The following ATP8A1 variants were observed in gnomAD, a reference collection of about 807,000 sequenced individuals.
ATP8A1 encodes ATPase phospholipid transporting 8A1, also known as phospholipid-transporting ATPase IA.
ATP8A1 carries 90 observed loss-of-function variants against 177.7 expected under a neutral mutation model. The observed-to-expected ratio is 0.51, with a 90% CI of 0.43 to 0.60. The LOEUF (loss-of-function observed/expected upper bound fraction) is 0.60, where lower values mean the gene tolerates loss of function less well. ATP8A1 is among the 20% of genes least tolerant of loss of function. The pLI, the probability that ATP8A1 is intolerant of heterozygous loss-of-function variation, is 0.00. For missense variants in ATP8A1, 1,072 were observed against 1,392.8 expected, an observed-to-expected ratio of 0.77 and a Z score of 3.67; for synonymous variants, 493 against 485.9, an observed-to-expected ratio of 1.01 and a Z score of -0.19.
chr4:42,540,293 G>A (rs2153205290), intron 20 of ATP8A1, among the ~76,000 whole-genome samples: 1 of 152,262 alleles, frequency 6.6e-6, no homozygotes, highest in African/African-American at 2.4e-5. Context: ...ATGTAGGCGA[G>A]GATGTGGAGA....
At chr4:42,522,918 G>C (rs1726291264) in intron 21 of ATP8A1, among the ~76,000 whole-genome samples, 1 of 152,056 alleles carries the variant, frequency 6.6e-6, no homozygotes. Flanking sequence ...TGGAAAGCAG[G>C]GACCCAGAGT....
Position 42,585,295 on chromosome 4 carries a change from T to C in ATP8A1, c.722+1054A>G, listed in dbSNP as rs1330123148. Among the ~76,000 whole-genome samples the C allele has an allele frequency of 3.3e-5, 5 of 151,946 alleles. 1 individual carries two copies. Among genetic ancestry groups the C allele is most frequent in the Non-Finnish European group, 7.4e-5 (5 of 67,998 alleles). On this transcript the variant is annotated intron_variant, in intron 9 of 36. Transcript: ENST00000381668. ...CCAAAGCATTTATCACTTTCTAACA[T>C]AGTATAAACTTCTTATTTATCATCT...
chr4:42,629,826 A>G (rs1214531048), intron 1 of ATP8A1, among the ~76,000 whole-genome samples: 3 of 152,228 alleles, frequency 2.0e-5, no homozygotes, highest in Non-Finnish European at 2.9e-5. Flanking sequence ...AACCATTATA[A>G]TTAAACTCTT....
At chr4:42,608,823 G>C (rs1560514385) in intron 5 of ATP8A1, among the ~76,000 whole-genome samples, 1 of 152,156 alleles carries the variant, frequency 6.6e-6, no homozygotes, top group East Asian at 1.9e-4. Flanking sequence ...GTATAGCTGA[G>C]ACTATGGCTT....
chr4:42,446,440 G>A (rs1452935029), intron 31 of ATP8A1, 143 bp downstream of exon 31: 2 of 661,046 alleles, frequency 3.0e-6, no homozygotes, highest in Non-Finnish European at 5.0e-6. Flanking sequence ...TATAAGCCCT[G>A]GGTCTTACTT....
At chr4:42,603,013 G>A (rs556359882) in intron 5 of ATP8A1, among the ~76,000 whole-genome samples, 7 of 151,868 alleles carry the variant, frequency 4.6e-5, no homozygotes, top group South Asian at 4.2e-4. Flanking sequence ...TATTTCCTTC[G>A]GATCCTATCT....
At chr4:42,534,543 G>T (rs1727584899) in intron 20 of ATP8A1, among the ~76,000 whole-genome samples, 1 of 152,100 alleles carries the variant, frequency 6.6e-6, no homozygotes, top group African/African-American at 2.4e-5. Context: ...AAGAATAATT[G>T]GTGTTCCTAA....
intron 27 of ATP8A1, among the ~76,000 whole-genome samples, chr4:42,463,081 T>A (rs1280701833): frequency 6.6e-6 from 1 of 152,208 alleles, no homozygotes; most frequent in Non-Finnish European, 1.5e-5. Context: ...GGACTTGCCT[T>A]GTCTCAGATG....
intron 18 of ATP8A1, 40 bp downstream of exon 18, chr4:42,551,158 T>C: frequency 1.3e-6 from 2 of 1,487,376 alleles, no homozygotes; most frequent in Non-Finnish European, 1.9e-6. Flanking sequence ...TGCAAATGTA[T>C]TACTTGGATT....
intron 35 of ATP8A1, among the ~76,000 whole-genome samples, chr4:42,416,393 A>G (rs974339514): frequency 6.6e-6 from 1 of 152,190 alleles, no homozygotes; most frequent in Non-Finnish European, 1.5e-5. Context: ...TCCTAAATGC[A>G]TAATACTTTA....
At chr4:42,601,275 ATCT>A (rs1178376063) in intron 5 of ATP8A1, among the ~76,000 whole-genome samples, 3 of 151,668 alleles carry the variant, frequency 2.0e-5, no homozygotes, top group African/African-American at 7.3e-5. Flanking sequence ...ACCTCAAGTG[ATCT>A]GCCTGCCTCA....
intron 24 of ATP8A1, among the ~76,000 whole-genome samples, chr4:42,490,497 T>C (rs1324992563): frequency 2.0e-5 from 3 of 152,204 alleles, no homozygotes; most frequent in Non-Finnish European, 4.4e-5. Flanking sequence ...CCCCTGTCAC[T>C]TCGGCAAACA....
At chr4:42,496,210 C>T (rs1388113230) in intron 24 of ATP8A1, among the ~76,000 whole-genome samples, 6 of 151,942 alleles carry the variant, frequency 3.9e-5, no homozygotes, top group Admixed American at 1.3e-4. Flanking sequence ...TGTTTCAGCA[C>T]GGGGGTGGGG....
At chr4:42,618,844 A>G (rs932273434) in intron 4 of ATP8A1, among the ~76,000 whole-genome samples, 16 of 152,148 alleles carry the variant, frequency 1.1e-4, no homozygotes, top group African/African-American at 3.9e-4. Flanking sequence ...TGAGTCTAAT[A>G]TATCTTCATT....
Position 42,639,529 on chromosome 4 carries a change from G to A in ATP8A1, c.50-12420C>T, listed in dbSNP as rs574383132. On this transcript the variant is annotated intron_variant, in intron 1 of 36. Transcript: ENST00000381668. ...GAAAGGTTAGAATGAACATTAGTTCGAAGAACTAAACCAAAAGACAAGGTA... is the reference window on the plus strand; with the variant it reads ...GAAAGGTTAGAATGAACATTAGTTCAAAGAACTAAACCAAAAGACAAGGTA... 2.5e-4 allele frequency among the ~76,000 whole-genome samples: 38 copies of A among 152,238 alleles called. No homozygotes were observed. The East Asian group carries it at 3.5e-3, about 14-fold the overall frequency.
chr4:42,421,174 T>C (rs1204706717), intron 35 of ATP8A1, among the ~76,000 whole-genome samples: 2 of 152,292 alleles, frequency 1.3e-5, no homozygotes, highest in African/African-American at 4.8e-5. Flanking sequence ...TGAGGAATCC[T>C]GTGATGCAAA....
In ATP8A1 at chr4:42,539,252, G is replaced by A. The variant is rs73235599; in HGVS notation, c.1722+4665C>T. Among the ~76,000 whole-genome samples, 1,462 of 151,998 alleles carry A rather than the reference G, an allele frequency of 9.6e-3. 17 individuals carry two copies. The highest frequency in any genetic ancestry group is 0.033 in the African/African-American group (1,364 of 41,466). The stretch of plus-strand genomic sequence containing the variant: ...ATGATACAACATACTTTGGGACCTG[G>A]GGGGAGAGGAAGGGTGGGAGGGGAG... On this transcript the variant is annotated intron_variant, in intron 20 of 36. Coordinates refer to ENST00000381668, the MANE Select transcript of ATP8A1 (RefSeq NM_006095.2).
chr4:42,510,264 T>A (rs1338032386), intron 22 of ATP8A1, among the ~76,000 whole-genome samples: 1 of 152,210 alleles, frequency 6.6e-6, no homozygotes, highest in African/African-American at 2.4e-5. Flanking sequence ...TTATTTTATT[T>A]CCTTTAATGG....
At chr4:42,616,467 T>TA (rs1560523153) in intron 4 of ATP8A1, among the ~76,000 whole-genome samples, 1 of 152,232 alleles carries the variant, frequency 6.6e-6, no homozygotes, top group Non-Finnish European at 1.5e-5. Context: ...GAGAATTATC[T>TA]ATAATAACTA....
Sources: allele counts gnomAD v4.1 joint callset (sites outside exome capture counted in the v4.1 genomes callset), GRCh38; gene constraint gnomAD v4.1.1; transcripts MANE v1.5; gene names NCBI Gene and HGNC (gene_info 2026-07-23, HGNC 2026-07-21).